Variants in GRM8 observed in about 807,000 individuals in gnomAD.
GRM8 encodes metabotropic glutamate receptor 8.
Under a neutral mutation model 87.2 loss-of-function variants are expected in GRM8, and 47 were observed. The ratio of observed to expected loss-of-function variants is 0.54; its 90% CI spans 0.43 to 0.69. The LOEUF (loss-of-function observed/expected upper bound fraction) is 0.69, where lower values mean the gene tolerates loss of function less well. GRM8 is among the 30% of genes least tolerant of loss of function. GRM8 has a pLI of 0.00. For synonymous variants in GRM8, 396 were observed against 404.5 expected (o/e 0.98, Z 0.25); for missense variants, 1,019 against 1,139.2 (o/e 0.89, Z 1.52).
chr7:127,101,442 C>A (rs1267205798), intron 3 of GRM8, among the ~76,000 whole-genome samples: 1 of 152,166 alleles, frequency 6.6e-6, no homozygotes, highest in Non-Finnish European at 1.5e-5. Context: ...GGTATTGGGT[C>A]ATGGGGGCAA....
chr7:126,701,906 A>T, intron 7 of GRM8: 1 of 478,494 alleles, frequency 2.1e-6, no homozygotes, highest in Non-Finnish European at 4.1e-6. Flanking sequence ...AGACAGCCCC[A>T]TGTCATGCCT....
intron 6 of GRM8, among the ~76,000 whole-genome samples, chr7:126,852,642 A>G (rs1171757125): frequency 6.6e-6 from 1 of 152,152 alleles, no homozygotes; most frequent in Non-Finnish European, 1.5e-5. Flanking sequence ...GAAATCTTAA[A>G]ATGTATTGAG....
intron 2 of GRM8, among the ~76,000 whole-genome samples, chr7:127,189,456 T>C (rs1794907382): frequency 6.6e-6 from 1 of 152,210 alleles, no homozygotes; most frequent in African/African-American, 2.4e-5. Flanking sequence ...ATAGAAGGAC[T>C]GTACGCCTAA....
chr7:126,556,729 T>G (rs1055772113), intron 8 of GRM8, among the ~76,000 whole-genome samples: 1 of 152,194 alleles, frequency 6.6e-6, no homozygotes, highest in African/African-American at 2.4e-5. Flanking sequence ...CTTGTAAATG[T>G]CAGTCATGGT....
At chr7:127,185,909 A>G (rs867711507) in intron 2 of GRM8, among the ~76,000 whole-genome samples, 2 of 152,202 alleles carry the variant, frequency 1.3e-5, no homozygotes, top group South Asian at 2.1e-4. Flanking sequence ...TTAAGTATGC[A>G]TTACTATCTA....
chr7:127,137,472 C>G (rs564198543), intron 2 of GRM8, among the ~76,000 whole-genome samples: 2 of 152,212 alleles, frequency 1.3e-5, no homozygotes, highest in Admixed American at 1.3e-4. Context: ...TAAACTGCTA[C>G]TTATATTTGG....
chr7:126,898,451 C>G (rs1334738701), intron 6 of GRM8, among the ~76,000 whole-genome samples: 1 of 152,144 alleles, frequency 6.6e-6, no homozygotes, highest in Admixed American at 6.6e-5. Context: ...CACCCAGAGA[C>G]AAGTTATTTT....
chr7:126,783,433 G>A (rs1820307176), intron 6 of GRM8, among the ~76,000 whole-genome samples: 1 of 152,146 alleles, frequency 6.6e-6, no homozygotes, highest in Non-Finnish European at 1.5e-5. Flanking sequence ...GTAAAGTACA[G>A]TAAGGAAAAC....
At chr7:127,176,645 T>C (rs1234599825) in intron 2 of GRM8, among the ~76,000 whole-genome samples, 2 of 152,180 alleles carry the variant, frequency 1.3e-5, no homozygotes, top group Non-Finnish European at 2.9e-5. Flanking sequence ...ACACCCCAAA[T>C]ACTGTGAGTG....
At chr7:126,801,422 T>A (rs894892472) in intron 6 of GRM8, among the ~76,000 whole-genome samples, 1 of 68,598 alleles carries the variant, frequency 1.5e-5, no homozygotes, top group African/African-American at 3.3e-5. Context: ...ACTTAAAGGT[T>A]GTTGTTGATA....
At chr7:126,769,672 G>A (rs575429212) in intron 7 of GRM8, among the ~76,000 whole-genome samples, 193 bp downstream of exon 7, 1 of 152,100 alleles carries the variant, frequency 6.6e-6, no homozygotes, top group South Asian at 2.1e-4. Context: ...CCTCCTTCAC[G>A]CATAGATTAA....
chr7:126,913,812 A>G (rs1432287172), intron 3 of GRM8, among the ~76,000 whole-genome samples: 1 of 152,250 alleles, frequency 6.6e-6, no homozygotes, highest in African/African-American at 2.4e-5. Context: ...AGTGCACAAC[A>G]TGAAACTGTA....
intron 8 of GRM8, among the ~76,000 whole-genome samples, chr7:126,566,103 A>C (rs755201482): frequency 1.3e-5 from 2 of 152,160 alleles, no homozygotes; most frequent in East Asian, 1.9e-4. Flanking sequence ...ATAGGAGAAA[A>C]TCTCCATGAC....
At chr7:126,441,300 G>T (rs1317282239) in intron 10 of GRM8, among the ~76,000 whole-genome samples, 1 of 151,960 alleles carries the variant, frequency 6.6e-6, no homozygotes, top group Admixed American at 6.6e-5. Flanking sequence ...AGAAAATAAA[G>T]ACTCAAATAA....
intron 3 of GRM8, among the ~76,000 whole-genome samples, chr7:127,007,025 T>C (rs1364385751): frequency 2.0e-5 from 3 of 151,984 alleles, no homozygotes; most frequent in Non-Finnish European, 4.4e-5. Flanking sequence ...GAGTAGACAC[T>C]GGGATCCTTG....
intron 3 of GRM8, among the ~76,000 whole-genome samples, chr7:126,953,770 A>G (rs927958363): frequency 1.3e-5 from 2 of 152,104 alleles, no homozygotes; most frequent in African/African-American, 4.8e-5. Context: ...AAACTAATTA[A>G]TACCTCTCTC....
intron 6 of GRM8, among the ~76,000 whole-genome samples, chr7:126,788,420 A>AAAAAAAAAACAACAAAAAACAAAAAAC: frequency 2.5e-5 from 2 of 81,138 alleles, no homozygotes; most frequent in Non-Finnish European, 2.3e-5. Flanking sequence ...AAAAAAAAAA[A>AAAAAAAAAACAACAAAAAACAAAAAAC]AAACCCTTTC....
In GRM8 at chr7:127,106,522, G is replaced by C. The variant is rs1211682931; in HGVS notation, c.701C>G (p.Ala234Gly). 6.2e-7 allele frequency: 1 copy of C among 1,613,558 alleles called. No individual in the cohort carries two copies. The highest frequency in any genetic ancestry group is 1.3e-5 in the African/African-American group (1 of 75,004). Residue 234 changes from alanine to glycine, a missense_variant, in exon 3 of 11, where the codon GCC becomes GGC. Physicochemically the swap from Ala to Gly is moderately conservative, Grantham distance 60. Transcript: ENST00000339582. Reference sequence around the variant, plus strand: ...AATCTCCCTCGAGATCTGGGTGAAGGCCTCCACACCGCTCTCACCATAGTT... The same window carrying C: ...AATCTCCCTCGAGATCTGGGTGAAGCCCTCCACACCGCTCTCACCATAGTT... ...EGNYGESGVE[A>G]FTQISREIGG...
intron 3 of GRM8, among the ~76,000 whole-genome samples, chr7:127,066,178 C>T (rs1048467161): frequency 1.3e-5 from 2 of 152,190 alleles, no homozygotes; most frequent in Non-Finnish European, 2.9e-5. Context: ...CCTGAGAACA[C>T]CTGATGATTA....
Sources: allele counts gnomAD v4.1 joint callset (sites outside exome capture counted in the v4.1 genomes callset), GRCh38; gene constraint gnomAD v4.1.1; transcripts MANE v1.5; gene names NCBI Gene and HGNC (gene_info 2026-07-23, HGNC 2026-07-21).